SLC35H1: variants seen among roughly 807,000 people sequenced by gnomAD.
SLC35H1 encodes the protein ovarian cancer-overexpressed gene 1 protein.
chr20:46,355,711 T>C, the SLC35H1 span: 1 of 1,583,386 alleles, frequency 6.3e-7, no homozygotes, highest in Non-Finnish European at 8.6e-7. This position sits in a 1 kb window ranked among gnomAD's most constrained non-coding sequence, Gnocchi z 4.8. Context: ...GTCTCCTCTG[T>C]CACACAGCAG....
the SLC35H1 span, among the ~76,000 whole-genome samples, chr20:46,356,368 G>A: frequency 2.0e-5 from 3 of 152,168 alleles, no homozygotes; most frequent in African/African-American, 7.2e-5. Context: ...CTGGCAGGTG[G>A]GCACAGCATC....
At chr20:46,353,625 T>C in the SLC35H1 span, among the ~76,000 whole-genome samples, 5 of 152,102 alleles carry the variant, frequency 3.3e-5, no homozygotes, top group African/African-American at 7.2e-5. Context: ...CGTCGGCAAA[T>C]TGAAGGGAAT....
At chr20:46,362,143 C>T in the SLC35H1 span, among the ~76,000 whole-genome samples, 1 of 152,120 alleles carries the variant, frequency 6.6e-6, no homozygotes, top group South Asian at 2.1e-4. Context: ...CTAGAAGGGT[C>T]CCTGGAGATC....
chr20:46,358,273 C>T, the SLC35H1 span: 1 of 1,001,434 alleles, frequency 1.0e-6, no homozygotes, highest in Non-Finnish European at 1.5e-6. Flanking sequence ...CCGTGACTGG[C>T]TTCCAGTTAG....
At chr20:46,350,865 G>C in the SLC35H1 span, 1 of 1,614,044 alleles carries the variant, frequency 6.2e-7, no homozygotes, top group African/African-American at 1.3e-5. Flanking sequence ...CAGCAGATGA[G>C]CTGCCAACAG....
chr20:46,360,364 C>G, the SLC35H1 span, among the ~76,000 whole-genome samples: 1 of 152,100 alleles, frequency 6.6e-6, no homozygotes, highest in African/African-American at 2.4e-5. Context: ...CGAGGTGCGA[C>G]ACAACACGGC....
At chr20:46,351,055 G>C in the SLC35H1 span, among the ~76,000 whole-genome samples, 11 of 152,254 alleles carry the variant, frequency 7.2e-5, no homozygotes, top group Non-Finnish European at 2.9e-5. Flanking sequence ...CGGCCGGCTT[G>C]CGGCGCTGTC....
chr20:46,351,645 A>G, the SLC35H1 span, among the ~76,000 whole-genome samples: 1 of 152,264 alleles, frequency 6.6e-6, no homozygotes, highest in Non-Finnish European at 1.5e-5. Flanking sequence ...CCGCCAGTCA[A>G]TCACGGAACT....
At chr20:46,355,869 G>A in the SLC35H1 span, 1 of 1,613,948 alleles carries the variant, frequency 6.2e-7, no homozygotes, top group Admixed American at 1.7e-5. This position sits in a 1 kb window ranked among gnomAD's most constrained non-coding sequence, Gnocchi z 4.8. Flanking sequence ...TTTGGTCATT[G>A]TGTACCTGGA....
At chr20:46,350,719 AAGAAC>A in the SLC35H1 span, 1 of 1,606,384 alleles carries the variant, frequency 6.2e-7, no homozygotes, top group African/African-American at 1.3e-5. Flanking sequence ...TCACAGGGAG[AAGAAC>A]AGAAAACAGA....
the SLC35H1 span, chr20:46,352,178 C>T: frequency 7.4e-5 from 120 of 1,614,098 alleles, no homozygotes; most frequent in Non-Finnish European, 1.0e-4. Context: ...CAGGAGCAGC[C>T]CTGTGTCCTG....
chr20:46,352,292 A>G, the SLC35H1 span: 6 of 1,400,214 alleles, frequency 4.3e-6, no homozygotes, highest in South Asian at 7.2e-5. Flanking sequence ...CCCAATGCCA[A>G]CCACACAAGA....
At chr20:46,362,759 G>C in the SLC35H1 span, among the ~76,000 whole-genome samples, 1 of 152,150 alleles carries the variant, frequency 6.6e-6, no homozygotes, top group Non-Finnish European at 1.5e-5. Context: ...CCCTTCGAAG[G>C]CTTAGTCTCT....
chr20:46,356,898 C>T, the SLC35H1 span, among the ~76,000 whole-genome samples: 2 of 152,248 alleles, frequency 1.3e-5, no homozygotes, highest in Non-Finnish European at 1.5e-5. Flanking sequence ...CGGCGAGCCC[C>T]CTGAGCGGAG....
the SLC35H1 span, chr20:46,350,818 C>T: frequency 1.2e-5 from 20 of 1,613,910 alleles, no homozygotes; most frequent in Middle Eastern, 4.9e-4. Flanking sequence ...AGGCAGAGGG[C>T]GAAGCCCAGC....
the SLC35H1 span, chr20:46,355,134 G>A: frequency 6.2e-7 from 1 of 1,614,124 alleles, no homozygotes. This position sits in a 1 kb window ranked among gnomAD's most constrained non-coding sequence, Gnocchi z 4.8. Context: ...CGATGAACGA[G>A]GCCCCCAGCA....
At chr20:46,352,542 G>A in the SLC35H1 span, 1 of 276,286 alleles carries the variant, frequency 3.6e-6, no homozygotes, top group East Asian at 7.8e-5. Context: ...CAGGATGATG[G>A]GATCCTAGCG....
At chr20:46,358,673 C>T in the SLC35H1 span, 1 of 1,551,630 alleles carries the variant, frequency 6.4e-7, no homozygotes, top group Admixed American at 2.0e-5. Flanking sequence ...TCAGCAGAGC[C>T]CCAGGCAGAG....
the SLC35H1 span, chr20:46,359,003 C>G: frequency 1.9e-6 from 1 of 527,452 alleles, no homozygotes; most frequent in Non-Finnish European, 3.4e-6. Flanking sequence ...GCTTAAAACC[C>G]TTCAGCAGCT....
Sources: gnomAD v4.1 joint callset for allele counts (sites outside exome capture counted in the v4.1 genomes callset) on GRCh38, gnomAD v4.1.1 for gene constraint, Gnocchi (gnomAD v3.1) non-coding constraint, MANE v1.5 for transcripts, NCBI Gene and HGNC (gene_info 2026-07-23, HGNC 2026-07-21) for gene names.